FRMPD3: variants seen among roughly 807,000 people sequenced by gnomAD.
FRMPD3 encodes the protein FERM and PDZ domain containing 3.
Under a neutral mutation model 97.9 loss-of-function variants are expected in FRMPD3, and 42 were observed. That is an observed-to-expected ratio of 0.43 (90% confidence interval 0.34 to 0.55). The LOEUF (loss-of-function observed/expected upper bound fraction) is 0.55, where lower values mean the gene tolerates loss of function less well. Among genes scored for constraint, FRMPD3 ranks in the 20% least tolerant of loss-of-function variants. The probability of loss-of-function intolerance (pLI) is 0.03; values close to 1 mark genes in which losing one functional copy is unlikely to be tolerated. For synonymous variants in FRMPD3, 577 were observed against 581.1 expected, an observed-to-expected ratio of 0.99 and a Z score of 0.10; for missense variants, 1,303 against 1,457.7, an observed-to-expected ratio of 0.89 and a Z score of 1.73.
At chrX:107,526,147 G>T (rs1266294140) in intron 1 of FRMPD3, among the ~76,000 whole-genome samples, 1 of 112,056 alleles carries the variant, frequency 8.9e-6, no homozygotes, top group East Asian at 2.8e-4. Flanking sequence ...CCATCTTCTG[G>T]AACAACTTTA....
intron 2 of FRMPD3, among the ~76,000 whole-genome samples, chrX:107,528,766 G>A (rs1387440945): frequency 8.9e-6 from 1 of 112,835 alleles, no homozygotes; most frequent in Non-Finnish European, 1.9e-5. Flanking sequence ...GTCCAAGTCT[G>A]TCTGGCTGTA....
chrX:107,507,885 A>G (rs1365055454), intron 1 of FRMPD3, among the ~76,000 whole-genome samples: 1 of 112,129 alleles, frequency 8.9e-6, no homozygotes, highest in African/African-American at 3.2e-5. Flanking sequence ...AGTAGCTACT[A>G]TTATAACTAT....
intron 1 of FRMPD3, among the ~76,000 whole-genome samples, chrX:107,496,791 C>T (rs1259391624): frequency 8.9e-6 from 1 of 111,940 alleles, no homozygotes; most frequent in African/African-American, 3.2e-5. Context: ...TTCTATGGGG[C>T]TGCAGCTGAA....
At chrX:107,568,578 A>G (rs1922713555) in intron 12 of FRMPD3, among the ~76,000 whole-genome samples, 1 of 105,018 alleles carries the variant, frequency 9.5e-6, no homozygotes, top group Non-Finnish European at 2.0e-5. Context: ...AAAAAAAAAA[A>G]AAAAAATCAG....
At chrX:107,515,980 T>G (rs888652264) in intron 1 of FRMPD3, among the ~76,000 whole-genome samples, 4 of 108,500 alleles carry the variant, frequency 3.7e-5, no homozygotes, top group Non-Finnish European at 7.7e-5. Flanking sequence ...ACCCATTAAC[T>G]CATCATTTAA....
In FRMPD3 at chrX:107,601,890, C is replaced by A; in HGVS notation, c.3851C>A (p.Pro1284His). ...TGCAGCTGCCAGCTCCGCAGCAGCC[C>A]TGTGCAGCAGGGGCCTGGCATGTCC... ...GRCSCQLRSSPVQQGPGMSRE... is the reference protein window; with the variant it reads ...GRCSCQLRSSHVQQGPGMSRE... The change falls in exon 15 of 15, where the codon CCT becomes CAT. Residue 1284 changes from proline to histidine, a missense_variant. Physicochemically the swap from Pro to His is moderately conservative, Grantham distance 77. Transcript: ENST00000683843. 1 of 1,206,451 alleles carries A rather than the reference C, an allele frequency of 8.3e-7. No homozygotes were observed.
At chrX:107,507,433 G>A (rs944907458) in intron 1 of FRMPD3, among the ~76,000 whole-genome samples, 5 of 111,082 alleles carry the variant, frequency 4.5e-5, no homozygotes, top group African/African-American at 1.6e-4. Flanking sequence ...AACCACCCGA[G>A]TGGAGCAGGG....
At chrX:107,537,679 A>G (rs1302202436) in intron 4 of FRMPD3, among the ~76,000 whole-genome samples, 2 of 111,422 alleles carry the variant, frequency 1.8e-5, no homozygotes, top group Non-Finnish European at 3.8e-5. Flanking sequence ...GTGCCTATTT[A>G]CCAATCAGTG....
At position 107,593,493 on chromosome X, in the gene FRMPD3, T is replaced by C. The variant is rs183846760; in HGVS notation, c.1442-3828T>C. The stretch of plus-strand genomic sequence containing the variant: ...GTAAGCCAATGTCTAGTAGGGGTTT[T>C]CCAATGTTATCTTTTAGAACTTTTA... On this transcript the variant is annotated intron_variant, in intron 13 of 14. Coordinates refer to ENST00000683843, the MANE Select transcript of FRMPD3 (RefSeq NM_001388459.1). Among the ~76,000 whole-genome samples the C allele has an allele frequency of 3.1e-3, 344 of 112,003 alleles. 2 individuals carry two copies. Among genetic ancestry groups the C allele is most frequent in the African/African-American group, 0.011 (327 of 30,862 alleles).
At chrX:107,541,395 G>A (rs1921295302) in intron 4 of FRMPD3, among the ~76,000 whole-genome samples, 1 of 112,446 alleles carries the variant, frequency 8.9e-6, no homozygotes, top group African/African-American at 3.2e-5. Context: ...GGCAATGAAT[G>A]AGTCACCAGC....
At chrX:107,583,101 T>C (rs1487281725) in intron 13 of FRMPD3, among the ~76,000 whole-genome samples, 1 of 111,231 alleles carries the variant, frequency 9.0e-6, no homozygotes, top group Non-Finnish European at 1.9e-5. Context: ...TTTTTCTCTT[T>C]TTTTCTTTTT....
chrX:107,564,594 A>T (rs970661932), intron 11 of FRMPD3, among the ~76,000 whole-genome samples: 4 of 111,948 alleles, frequency 3.6e-5, no homozygotes, highest in African/African-American at 9.8e-5. Context: ...AACAAACCTC[A>T]CCTACTTCAC....
intron 2 of FRMPD3, among the ~76,000 whole-genome samples, chrX:107,527,047 AT>A (rs1221483157): frequency 2.7e-5 from 3 of 111,920 alleles, no homozygotes; most frequent in Non-Finnish European, 5.6e-5. Context: ...CAAAAAAAAA[AT>A]GTACCTATTC....
chrX:107,590,473 T>C (rs1923855811), intron 13 of FRMPD3, among the ~76,000 whole-genome samples: 2 of 113,030 alleles, frequency 1.8e-5, no homozygotes, highest in African/African-American at 6.4e-5. Flanking sequence ...GAGTTTTTTA[T>C]AGGTAACCTT....
At chrX:107,547,665 T>G (rs1362184543) in intron 5 of FRMPD3, among the ~76,000 whole-genome samples, 1 of 111,485 alleles carries the variant, frequency 9.0e-6, no homozygotes, top group Non-Finnish European at 1.9e-5. Flanking sequence ...TCCTCCATGC[T>G]GCCGCCAGTA....
intron 1 of FRMPD3, among the ~76,000 whole-genome samples, chrX:107,474,469 G>A (rs1048657197): frequency 9.0e-6 from 1 of 111,053 alleles, no homozygotes; most frequent in Non-Finnish European, 1.9e-5. Context: ...AGGAGTTTGA[G>A]AGATATGAAG....
rs368320134 is a variant in FRMPD3 at position 107,602,180 on chromosome X, G to A, written c.4141G>A (p.Glu1381Lys). The change falls in exon 15 of 15, where the codon GAG becomes AAG. Residue 1381 changes from glutamate to lysine, a missense_variant. Around this residue, in one of 3 missense-constraint regions of FRMPD3, gnomAD observed 764 missense variants for 820.2 expected, o/e 0.93. Transcript: ENST00000683843. ...CCTGACCACGTGTGCCTCGGGGGGC[G>A]AGTGTCTGGGAGCTCCCAATTACAG... ...SCLTTCASGG[E>K]CLGAPNYRKL... The A allele has an allele frequency of 2.1e-5, 25 of 1,209,227 alleles. No homozygotes were observed. The highest frequency in any genetic ancestry group is 2.3e-4 in the Middle Eastern group (1 of 4,376).
intron 1 of FRMPD3, among the ~76,000 whole-genome samples, chrX:107,483,798 G>A (rs1271656214): frequency 9.0e-6 from 1 of 111,627 alleles, no homozygotes; most frequent in Non-Finnish European, 1.9e-5. Context: ...CCTAATGCGG[G>A]CGTGGGGTAG....
At position 107,604,728 on chromosome X, in the gene FRMPD3, C is replaced by T. The variant is rs1924751462; in HGVS notation, c.*1355C>T. 1.8e-5 allele frequency: 2 copies of T among 111,035 alleles called. No individual in the cohort carries two copies. Among genetic ancestry groups the T allele is most frequent in the African/African-American group, 6.6e-5 (2 of 30,464 alleles). The allele number at this position is 111,035 out of a possible 1,213,427, so 9.2% of individuals were successfully genotyped here. The stretch of plus-strand genomic sequence containing the variant: ...TCTCCATATCTCCCCATTTCCCACA[C>T]CCTTGTGCCCTGTGTCTGCCTCTGT... On this transcript the variant is annotated 3_prime_UTR_variant, in exon 15 of 15. Coordinates refer to ENST00000683843, the MANE Select transcript of FRMPD3 (RefSeq NM_001388459.1).
Sources: gnomAD v4.1 joint callset for allele counts (sites outside exome capture counted in the v4.1 genomes callset) on GRCh38, gnomAD v4.1.1 for gene constraint, gnomAD v4.1.1 regional missense constraint, MANE v1.5 for transcripts, NCBI Gene and HGNC (gene_info 2026-07-23, HGNC 2026-07-21) for gene names.